Variants in ARPC4 observed in about 807,000 individuals in gnomAD.
ARPC4 encodes actin-related protein 2/3 complex subunit 4.
Under a neutral mutation model 22.8 loss-of-function variants are expected in ARPC4, and 3 were observed. The ratio of observed to expected loss-of-function variants is 0.13; its 90% CI spans 0.06 to 0.34. The LOEUF (loss-of-function observed/expected upper bound fraction) is 0.34. Ranked by LOEUF, ARPC4 falls within the 10% of genes least tolerant of loss-of-function variation. The probability of loss-of-function intolerance (pLI) is 1.00; values close to 1 mark genes in which losing one functional copy is unlikely to be tolerated. For missense variants in ARPC4, 98 were observed against 211.0 expected (o/e 0.46, Z 3.32); for synonymous variants, 80 against 72.5 (o/e 1.10, Z -0.52).
intron 5 of ARPC4, 168 bp downstream of exon 5, chr3:9,804,181 C>A: frequency 1.5e-6 from 1 of 647,852 alleles, no homozygotes. Flanking sequence ...AGCTAGAGGA[C>A]CCCAAGTTCA....
At chr3:9,805,525 G>C (rs1226687144) in intron 5 of ARPC4, among the ~76,000 whole-genome samples, 2 of 152,254 alleles carry the variant, frequency 1.3e-5, no homozygotes, top group Non-Finnish European at 2.9e-5. Context: ...TGCCTCATGT[G>C]CAGGGGCTGG....
At chr3:9,798,380 T>A (rs1203214091) in intron 2 of ARPC4, among the ~76,000 whole-genome samples, 1 of 151,736 alleles carries the variant, frequency 6.6e-6, no homozygotes, top group African/African-American at 2.4e-5. Context: ...GTACAGGAGT[T>A]CAAGACCAGC....
intron 2 of ARPC4, chr3:9,799,938 C>G (rs1300946866): frequency 1.6e-6 from 1 of 617,114 alleles, no homozygotes; most frequent in Non-Finnish European, 3.0e-6. Context: ...GAGATTCCAA[C>G]AGGGTAACTT....
chr3:9,798,919 A>C (rs1261954066), intron 2 of ARPC4, among the ~76,000 whole-genome samples: 1 of 152,154 alleles, frequency 6.6e-6, no homozygotes, highest in Admixed American at 6.6e-5. Flanking sequence ...TCATTCTGGT[A>C]CATACATAAC....
chr3:9,801,811 C>G, intron 4 of ARPC4, 55 bp downstream of exon 4: 1 of 1,497,326 alleles, frequency 6.7e-7, no homozygotes, highest in Non-Finnish European at 9.0e-7. Flanking sequence ...TACAGAATGG[C>G]CTGGGATTGT....
chr3:9,804,652 G>C lies in ARPC4; in HGVS notation c.501+639G>C, dbSNP rs1302686545. On this transcript the variant is annotated intron_variant, in intron 5 of 5. Coordinates refer to ENST00000397261, the MANE Select transcript of ARPC4 (RefSeq NM_005718.5). ...TTTCTCCTTTTTCCAAGCAATCTTTGGTTTGTTGACATGTGCCACCCAGAG... is the reference window on the plus strand; with the variant it reads ...TTTCTCCTTTTTCCAAGCAATCTTTCGTTTGTTGACATGTGCCACCCAGAG... Among the ~76,000 whole-genome samples, 2 of 152,094 alleles carry C rather than the reference G, an allele frequency of 1.3e-5. 1 individual carries two copies. The highest frequency in any genetic ancestry group is 6.8e-3 in the Middle Eastern group (2 of 294).
chr3:9,793,228 T>C, intron 1 of ARPC4, 104 bp downstream of exon 1: 1 of 1,454,986 alleles, frequency 6.9e-7, no homozygotes, highest in Non-Finnish European at 9.1e-7. Flanking sequence ...GGCCGAGGGA[T>C]GTCCGGGGGT....
At chr3:9,792,804 G>C, upstream of ARPC4, 2 of 1,333,628 alleles carry the variant, frequency 1.5e-6, no homozygotes, top group Non-Finnish European at 1.9e-6. Context: ...TCTGAAGCTG[G>C]GCTGTACCAT....
At chr3:9,797,559 C>A in intron 1 of ARPC4, 100 bp from the exon 2 acceptor site, 2 of 1,329,792 alleles carry the variant, frequency 1.5e-6, no homozygotes, top group Admixed American at 1.9e-5. Flanking sequence ...GAGCCTTGCA[C>A]CCTCAGTGCT....
upstream of ARPC4, chr3:9,792,732 G>C (rs1200576274): frequency 8.1e-7 from 1 of 1,237,424 alleles, no homozygotes; most frequent in Non-Finnish European, 1.0e-6. Context: ...AAAGGATGGG[G>C]GTACAGAACC....
chr3:9,797,844 G>C, intron 2 of ARPC4, 67 bp downstream of exon 2: 2 of 1,511,734 alleles, frequency 1.3e-6, no homozygotes, highest in Non-Finnish European at 1.8e-6. Context: ...TGTCTAGAAG[G>C]TGCCATGAAC....
chr3:9,804,824 G>A (rs534932192), intron 5 of ARPC4, among the ~76,000 whole-genome samples: 2 of 152,340 alleles, frequency 1.3e-5, no homozygotes, highest in East Asian at 3.9e-4. Flanking sequence ...AGTGTACAGA[G>A]TAGCTGTGGT....
chr3:9,804,485 G>A (rs897450120), intron 5 of ARPC4, among the ~76,000 whole-genome samples: 3 of 152,162 alleles, frequency 2.0e-5, no homozygotes, highest in African/African-American at 7.2e-5. Context: ...CTTGCATGGC[G>A]TAAGTCCTCC....
At chr3:9,802,237 C>CAAAAAAAAAAAAA (rs1159841703) in intron 4 of ARPC4, among the ~76,000 whole-genome samples, 1 of 50,282 alleles carries the variant, frequency 2.0e-5, no homozygotes, top group Non-Finnish European at 3.4e-5. Context: ...GACTCCGTCT[C>CAAAAAAAAAAAAA]AAAAAAAAAA....
intron 1 of ARPC4, among the ~76,000 whole-genome samples, chr3:9,794,816 C>T (rs1215593660): frequency 6.6e-6 from 1 of 152,070 alleles, no homozygotes; most frequent in Non-Finnish European, 1.5e-5. Flanking sequence ...CTGATTTTTC[C>T]CCCCTGTAGT....
chr3:9,798,570 C>G lies in ARPC4; in HGVS notation c.122+793C>G, dbSNP rs73113577. 4.4e-3 allele frequency among the ~76,000 whole-genome samples: 663 copies of G among 150,854 alleles called. 4 individuals carry two copies. Among genetic ancestry groups the G allele is most frequent in the African/African-American group, 0.015 (625 of 41,080 alleles). On this transcript the variant is annotated intron_variant, in intron 2 of 5. Transcript: ENST00000397261. Reference sequence around the variant, plus strand: ...CAGTGCACTCCAGCCTGGGTGAGACCCTGTCTCAAAAAATAAGTAAATAGG... The same window carrying G: ...CAGTGCACTCCAGCCTGGGTGAGACGCTGTCTCAAAAAATAAGTAAATAGG...
At chr3:9,794,472 C>T (rs2078836369) in intron 1 of ARPC4, among the ~76,000 whole-genome samples, 1 of 152,070 alleles carries the variant, frequency 6.6e-6, no homozygotes, top group Non-Finnish European at 1.5e-5. Flanking sequence ...GCACACCAGA[C>T]TGGGCAACAG....
At chr3:9,804,259 C>T (rs2079066471) in intron 5 of ARPC4, 1 of 405,146 alleles carries the variant, frequency 2.5e-6, no homozygotes, top group African/African-American at 2.0e-5. Flanking sequence ...CTCGTAGGAA[C>T]TTGGTCACTC....
intron 1 of ARPC4, among the ~76,000 whole-genome samples, chr3:9,793,766 G>C (rs150986029): frequency 6.6e-6 from 1 of 152,120 alleles, no homozygotes; most frequent in African/African-American, 2.4e-5. Context: ...ATACATGTGG[G>C]CCTTTTTCAT....
Sources: allele counts gnomAD v4.1 joint callset (sites outside exome capture counted in the v4.1 genomes callset), GRCh38; gene constraint gnomAD v4.1.1; transcripts MANE v1.5; gene names NCBI Gene and HGNC (gene_info 2026-07-23, HGNC 2026-07-21).